Variants in PHC2 observed in about 807,000 individuals in gnomAD.
PHC2 encodes the protein polyhomeotic homolog 2.
PHC2 carries 29 observed loss-of-function variants against 87.4 expected under a neutral mutation model. The ratio of observed to expected loss-of-function variants is 0.33; its 90% CI spans 0.25 to 0.45. The LOEUF (loss-of-function observed/expected upper bound fraction) is 0.45. Ranked by LOEUF, PHC2 falls within the 20% of genes least tolerant of loss-of-function variation. PHC2 has a pLI of 1.00. For missense variants in PHC2, 857 were observed against 1,136.7 expected (o/e 0.75, Z 3.54); for synonymous variants, 438 against 461.7 (o/e 0.95, Z 0.66).
rs560962748 is a variant in PHC2, at chr1:33,399,350, C to T, written c.-54-23757G>A. On this transcript the variant is annotated intron_variant, in intron 1 of 14. Transcript: ENST00000683057. ...TTGGACACTGAGCTCACAAGGGCCA[C>T]ATTATAGTCACATTATCATTATCAC... Among the ~76,000 whole-genome samples, 6 of 152,260 alleles carry T rather than the reference C, an allele frequency of 3.9e-5. No individual in the cohort carries two copies. In the East Asian group the frequency reaches 1.2e-3, roughly 29 times the overall value.
intron 1 of PHC2, among the ~76,000 whole-genome samples, chr1:33,413,066 A>C (rs896086799): frequency 2.6e-5 from 4 of 152,174 alleles, no homozygotes; most frequent in African/African-American, 9.7e-5. Context: ...TCCAGGGTTC[A>C]AGTGATTCTC....
intron 1 of PHC2, 38 bp downstream of exon 1, chr1:33,430,938 C>T (rs1378809750): frequency 6.6e-6 from 1 of 151,326 alleles, no homozygotes; most frequent in Admixed American, 6.6e-5. Flanking sequence ...GCCCGTCAGC[C>T]GCGAGCTGGC....
intron 1 of PHC2, 119 bp downstream of exon 1, chr1:33,430,857 G>C (rs996433386): frequency 4.7e-5 from 7 of 150,372 alleles, no homozygotes; most frequent in African/African-American, 1.7e-4. Context: ...CGAGCGCTCC[G>C]GCCCGACCGT....
Position 33,332,239 on chromosome 1 carries a change from T to C in PHC2, c.1891+36A>G. ...GTGAGGCCTGCCTTTCCAGCCACGCTGGGAGGCCGAGAGATTCAGGGTCTG... is the reference window on the plus strand; with the variant it reads ...GTGAGGCCTGCCTTTCCAGCCACGCCGGGAGGCCGAGAGATTCAGGGTCTG... On this transcript the variant is annotated intron_variant, in intron 11 of 14. Coordinates refer to ENST00000683057, the MANE Select transcript of PHC2 (RefSeq NM_001385109.1). The surrounding 1 kb of genome is among the most constrained non-coding windows in gnomAD (Gnocchi z 4.2). 1 of 1,613,524 alleles carries C rather than the reference T, an allele frequency of 6.2e-7. No homozygotes were observed. The highest frequency in any genetic ancestry group is 8.5e-7 in the Non-Finnish European group (1 of 1,179,502).
chr1:33,395,302 G>A (rs1170890653), intron 1 of PHC2, among the ~76,000 whole-genome samples: 1 of 152,114 alleles, frequency 6.6e-6, no homozygotes, highest in Non-Finnish European at 1.5e-5. Flanking sequence ...TACGGGGTGG[G>A]GAATGGCTGG....
intron 7 of PHC2, chr1:33,363,899 T>C: frequency 2.0e-6 from 2 of 985,182 alleles, no homozygotes; most frequent in Non-Finnish European, 1.2e-6. Flanking sequence ...CTGCCCTCCA[T>C]TGCTCAGTCC....
At chr1:33,333,071 T>G (rs922776239) in intron 10 of PHC2, among the ~76,000 whole-genome samples, 8 of 152,106 alleles carry the variant, frequency 5.3e-5, no homozygotes, top group African/African-American at 1.7e-4. Context: ...CTCCACCCCA[T>G]GAGATCAGGT....
At chr1:33,414,284 A>C (rs935763007) in intron 1 of PHC2, among the ~76,000 whole-genome samples, 4 of 151,976 alleles carry the variant, frequency 2.6e-5, no homozygotes, top group Admixed American at 6.6e-5. Context: ...AGATTATTGT[A>C]ATTAGCCTCA....
intron 1 of PHC2, among the ~76,000 whole-genome samples, chr1:33,404,792 T>G (rs185134355): frequency 3.3e-4 from 51 of 152,318 alleles, no homozygotes; most frequent in African/African-American, 1.1e-3. Flanking sequence ...GAATTAAAAT[T>G]GAATGATATG....
chr1:33,417,394 C>T (rs1650255045), intron 1 of PHC2, among the ~76,000 whole-genome samples: 1 of 151,960 alleles, frequency 6.6e-6, no homozygotes, highest in Non-Finnish European at 1.5e-5. Context: ...CAGAAACATA[C>T]TTTAAAAATA....
intron 8 of PHC2, 52 bp from the exon 9 acceptor site, chr1:33,354,618 TC>T (rs777699142): frequency 1.1e-4 from 167 of 1,546,640 alleles, no homozygotes; most frequent in Non-Finnish European, 1.4e-4. Flanking sequence ...GCCTTTGCAT[TC>T]TTGGATACTT....
At chr1:33,343,444 T>C (rs1646785207) in intron 9 of PHC2, among the ~76,000 whole-genome samples, 1 of 119,864 alleles carries the variant, frequency 8.3e-6, no homozygotes, top group South Asian at 2.9e-4. Context: ...CACTCCATCC[T>C]GGCAACAGAG....
At position 33,368,208 on chromosome 1, in the gene PHC2, T is replaced by C. The variant is rs1334250670; in HGVS notation, c.663+328A>G. On this transcript the variant is annotated intron_variant, in intron 6 of 14. Coordinates refer to ENST00000683057, the MANE Select transcript of PHC2 (RefSeq NM_001385109.1). This position sits in a 1 kb window ranked among gnomAD's most constrained non-coding sequence, Gnocchi z 6.6. ...GTGTAACCGGAGCGGGACTTTCCACTTATGAAGCAGCAGCAGCCAGACCAG... is the reference window on the plus strand; with the variant it reads ...GTGTAACCGGAGCGGGACTTTCCACCTATGAAGCAGCAGCAGCCAGACCAG... Among the ~76,000 whole-genome samples, 8 of 152,182 alleles carry C rather than the reference T, an allele frequency of 5.3e-5. No individual in the cohort carries two copies. The highest frequency in any genetic ancestry group is 1.5e-5 in the Non-Finnish European group (1 of 68,036).
rs1328275513 is a variant in PHC2, at chr1:33,350,375, G to A, written c.1558+4026C>T. The A allele has an allele frequency of 2.6e-5, 4 of 152,420 alleles. No homozygotes were observed. The East Asian group carries it at 5.8e-4, about 22-fold the overall frequency. 9.4% of individuals were successfully genotyped at this position (152,420 alleles called of 1,614,324 possible). A position where few individuals can be genotyped will look rare whatever the true frequency, so the allele number is the denominator to read the frequency against. On this transcript the variant is annotated intron_variant, in intron 9 of 14. Transcript: ENST00000683057. The stretch of plus-strand genomic sequence containing the variant: ...CGGTCACACCTCCGTGAGCGGCCTC[G>A]GGCTCGCGGTTGAGGCTGATTGAGG...
chr1:33,329,021 T>C lies in PHC2; in HGVS notation c.2274A>G (p.Ser758=), dbSNP rs756444457. 91 of 1,612,656 alleles carry C rather than the reference T, an allele frequency of 5.6e-5. No homozygotes were observed. Among genetic ancestry groups the C allele is most frequent in the Non-Finnish European group, 7.6e-5 (89 of 1,178,732 alleles). The change falls in exon 14 of 15, where the codon TCA becomes TCG. Residue 758 remains serine, a synonymous_variant. Coordinates refer to ENST00000683057, the MANE Select transcript of PHC2 (RefSeq NM_001385109.1). ...EEPLSPISAS[S]STSRRRQGQR... ...GGCCTTGTCGCCGGCGGGAAGTAGA[T>C]GAGCTGGCTGAGATGGGTGACAAGG...
At chr1:33,400,709 A>C (rs1449206455) in intron 1 of PHC2, among the ~76,000 whole-genome samples, 5 of 152,218 alleles carry the variant, frequency 3.3e-5, no homozygotes, top group Non-Finnish European at 7.3e-5. Flanking sequence ...TCACATCCAC[A>C]TCTATACATA....
At chr1:33,329,544 T>C (rs1646443304) in intron 13 of PHC2, among the ~76,000 whole-genome samples, 1 of 152,196 alleles carries the variant, frequency 6.6e-6, no homozygotes, top group Admixed American at 6.5e-5. Flanking sequence ...CACACCATGC[T>C]GTGGAGTTCC....
intron 7 of PHC2, 121 bp downstream of exon 7, chr1:33,366,995 G>C: frequency 1.2e-6 from 1 of 865,340 alleles, no homozygotes; most frequent in South Asian, 1.7e-5. Context: ...GGAGGGAGGA[G>C]AGAGAGATCC....
At chr1:33,347,497 G>C in intron 9 of PHC2, 1 of 985,378 alleles carries the variant, frequency 1.0e-6, no homozygotes, top group Non-Finnish European at 1.2e-6. Context: ...AGGGCCAGGA[G>C]GTGGGGACAT....
Sources: gnomAD v4.1 joint callset for allele counts (sites outside exome capture counted in the v4.1 genomes callset) on GRCh38, gnomAD v4.1.1 for gene constraint, Gnocchi (gnomAD v3.1) non-coding constraint, MANE v1.5 for transcripts, NCBI Gene and HGNC (gene_info 2026-07-23, HGNC 2026-07-21) for gene names.